The following SMARCA2 variants were observed in gnomAD, a reference collection of about 807,000 sequenced individuals.
SMARCA2 encodes the protein SWI/SNF-related matrix-associated actin-dependent regulator of chromatin subfamily A member 2.
Under a neutral mutation model 199.8 loss-of-function variants are expected in SMARCA2, and 61 were observed. The observed-to-expected ratio is 0.31, with a 90% CI of 0.25 to 0.38. The LOEUF is 0.38. Among genes scored for constraint, SMARCA2 ranks in the 10% least tolerant of loss-of-function variants. The pLI is 1.00. For synonymous variants in SMARCA2, 935 were observed against 732.0 expected (o/e 1.28, Z -4.48); for missense variants, 1,344 against 2,012.2 (o/e 0.67, Z 6.35).
intron 28 of SMARCA2, among the ~76,000 whole-genome samples, chr9:2,168,075 G>A (rs1586781767): frequency 6.8e-6 from 1 of 147,532 alleles, no homozygotes; most frequent in East Asian, 2.0e-4. Context: ...TTGTTGCCCA[G>A]CTGGAGTGCA....
chr9:2,060,295 G>T (rs955826395), intron 8 of SMARCA2, among the ~76,000 whole-genome samples: 20 of 152,052 alleles, frequency 1.3e-4, no homozygotes, highest in Non-Finnish European at 2.9e-5. Context: ...TGAATGAAAG[G>T]ATATTATGTC....
At chr9:2,135,834 C>T (rs1467046455) in intron 27 of SMARCA2, among the ~76,000 whole-genome samples, 1 of 151,686 alleles carries the variant, frequency 6.6e-6, no homozygotes, top group Non-Finnish European at 1.5e-5. Flanking sequence ...TGAGCCACAG[C>T]ACCCAGCAAC....
intron 27 of SMARCA2, among the ~76,000 whole-genome samples, chr9:2,149,038 T>C (rs576034453): frequency 1.3e-5 from 2 of 151,186 alleles, no homozygotes; most frequent in South Asian, 2.1e-4. Flanking sequence ...AGTGTGTTTA[T>C]TAGTAAAACC....
rs1440756775 is a variant in SMARCA2 at position 2,123,501 on chromosome 9, A to C, written c.3763-218A>C. The stretch of plus-strand genomic sequence containing the variant: ...AAAGTACTTTTTAAATGTATGAATA[A>C]GTTTCAAAAGGTGGGTACAGAAAAA... On this transcript the variant is annotated intron_variant, in intron 26 of 33. Coordinates refer to ENST00000349721, the MANE Select transcript of SMARCA2 (RefSeq NM_003070.5). This position sits in a 1 kb window ranked among gnomAD's most constrained non-coding sequence, Gnocchi z 4.1. 6.6e-6 allele frequency among the ~76,000 whole-genome samples: 1 copy of C among 152,216 alleles called. No individual in the cohort carries two copies. Among genetic ancestry groups the C allele is most frequent in the Admixed American group, 6.5e-5 (1 of 15,284 alleles).
At chr9:2,187,111 C>T (rs991286074) in intron 32 of SMARCA2, among the ~76,000 whole-genome samples, 2 of 150,150 alleles carry the variant, frequency 1.3e-5, no homozygotes, top group African/African-American at 4.9e-5. Flanking sequence ...GTGAATTTTG[C>T]ATAGAATTTT....
In SMARCA2 at chr9:2,123,612, G is replaced by C; in HGVS notation, c.3763-107G>C. 1.1e-6 allele frequency: 1 copy of C among 932,732 alleles called. No individual in the cohort carries two copies. The highest frequency in any genetic ancestry group is 1.6e-5 in the African/African-American group (1 of 61,930). The allele number at this position is 932,732 out of a possible 1,614,324, so 57.8% of individuals were successfully genotyped here. Reference sequence around the variant, plus strand: ...CCAACCAGGATGAGAGAGGTTGAAAGGGACCCTGCAGCCATAGGAAGTGAC... The same window carrying C: ...CCAACCAGGATGAGAGAGGTTGAAACGGACCCTGCAGCCATAGGAAGTGAC... On this transcript the variant is annotated intron_variant, in intron 26 of 33. Transcript: ENST00000349721. This position sits in a 1 kb window ranked among gnomAD's most constrained non-coding sequence, Gnocchi z 4.1.
At chr9:2,192,048 G>T (rs529131053) in intron 33 of SMARCA2, 1 of 154,762 alleles carries the variant, frequency 6.5e-6, no homozygotes, top group East Asian at 1.9e-4. Flanking sequence ...TACAGATCAC[G>T]TCGCAGAGGT....
intron 10 of SMARCA2, among the ~76,000 whole-genome samples, chr9:2,071,208 C>G (rs1821072464): frequency 6.6e-6 from 1 of 152,158 alleles, no homozygotes; most frequent in South Asian, 2.1e-4. Context: ...TGGTATCACT[C>G]TGCACACAGT....
intron 19 of SMARCA2, 27 bp downstream of exon 19, chr9:2,088,640 G>GTTT: frequency 7.2e-7 from 1 of 1,396,172 alleles, no homozygotes; most frequent in Non-Finnish European, 9.7e-7. Flanking sequence ...AAAGTTGTGG[G>GTTT]TTTTTTTTTT....
At chr9:2,130,527 C>T (rs1044518342) in intron 27 of SMARCA2, among the ~76,000 whole-genome samples, 3 of 152,214 alleles carry the variant, frequency 2.0e-5, no homozygotes, top group Non-Finnish European at 4.4e-5. Context: ...GAGTAACTCT[C>T]CCGAACAAGG....
chr9:2,169,777 A>G lies in SMARCA2; in HGVS notation c.4200-642A>G, dbSNP rs1826141990. On this transcript the variant is annotated intron_variant, in intron 28 of 33. Coordinates refer to ENST00000349721, the MANE Select transcript of SMARCA2 (RefSeq NM_003070.5). The surrounding 1 kb of genome is among the most constrained non-coding windows in gnomAD (Gnocchi z 6.5). ...CAACCTAGCAGTTTCAAAAATCCTC[A>G]ACTGAAGAGGCTTTTCTAGAGGCTT... Among the ~76,000 whole-genome samples, 4 of 152,154 alleles carry G rather than the reference A, an allele frequency of 2.6e-5. No homozygotes were observed. The highest frequency in any genetic ancestry group is 2.6e-4 in the Admixed American group (4 of 15,276).
chr9:2,073,319 C>T lies in SMARCA2; in HGVS notation c.1854C>T (p.Asp618=), dbSNP rs140464170. The change falls in exon 11 of 34, where the codon GAC becomes GAT. Residue 618 remains aspartate (D), a synonymous_variant. Coordinates refer to ENST00000349721, the MANE Select transcript of SMARCA2 (RefSeq NM_003070.5). ...AAGCACCCAAAGCAAGTCAGCTGGA[C>T]GCCTGGCTGGAAATGAATCCTGGGT... ...GPEAPKASQL[D]AWLEMNPGYE... 9.2e-5 allele frequency: 149 copies of T among 1,614,072 alleles called. No homozygotes were observed. Among genetic ancestry groups the T allele is most frequent in the East Asian group, 4.7e-4 (21 of 44,896 alleles).
At chr9:2,022,870 T>G (rs1440064508) in intron 1 of SMARCA2, among the ~76,000 whole-genome samples, 2 of 152,210 alleles carry the variant, frequency 1.3e-5, no homozygotes, top group East Asian at 3.8e-4. Flanking sequence ...TGTTAGCTTT[T>G]GTTTTGACCA....
At chr9:2,094,254 T>C (rs994727494) in intron 19 of SMARCA2, among the ~76,000 whole-genome samples, 1 of 152,190 alleles carries the variant, frequency 6.6e-6, no homozygotes, top group African/African-American at 2.4e-5. Flanking sequence ...CCTAATTGTG[T>C]GAGGAAAGAG....
In SMARCA2 at chr9:2,186,139, C is replaced by T. The variant is rs1325759994; in HGVS notation, c.4505C>T (p.Ala1502Val). ...SIVLQSVFKS[A>V]RQKIAKEEES... is the part of the protein sequence containing the mutation. Reference sequence around the variant, plus strand: ...GTCTTACAGTCAGTGTTTAAGAGTGCCCGGCAGAAAATTGCCAAAGAGGAA... The same window carrying T: ...GTCTTACAGTCAGTGTTTAAGAGTGTCCGGCAGAAAATTGCCAAAGAGGAA... The change falls in exon 32 of 34, where the codon GCC becomes GTC. Residue 1502 changes from alanine (A) to valine (V), a missense_variant. By Grantham distance (64) the Ala-to-Val change is moderately conservative. This residue lies in a region of SMARCA2 where 155 missense variants were observed against 121.1 expected (regional missense o/e 1.28). Coordinates refer to ENST00000349721, the MANE Select transcript of SMARCA2 (RefSeq NM_003070.5). 6.2e-7 allele frequency: 1 copy of T among 1,613,674 alleles called. No individual in the cohort carries two copies. The highest frequency in any genetic ancestry group is 8.5e-7 in the Non-Finnish European group (1 of 1,179,774).
Position 2,192,939 on chromosome 9 carries a change from T to TTG in SMARCA2, c.*203_*204dup. ...CACATACACAAATATTTGTAACATA[T>TTG]TGTGACCAAATGGGCCTCAAAGATT... On this transcript the variant is annotated 3_prime_UTR_variant, in exon 34 of 34. Transcript: ENST00000349721. 1.9e-6 allele frequency: 1 copy of TTG among 530,964 alleles called. No homozygotes were observed. Among genetic ancestry groups the TTG allele is most frequent in the East Asian group, 3.1e-5 (1 of 32,296 alleles). 32.9% of individuals were successfully genotyped at this position (530,964 alleles called of 1,614,324 possible).
chr9:2,181,728 TAA>T (rs1235955971), intron 30 of SMARCA2, 52 bp downstream of exon 30: 1 of 975,440 alleles, frequency 1.0e-6, no homozygotes, highest in East Asian at 2.4e-5. Flanking sequence ...AGGAGCAGTG[TAA>T]AGTCATTGAA....
chr9:2,154,660 T>C (rs1374477884), intron 27 of SMARCA2, among the ~76,000 whole-genome samples: 1 of 152,222 alleles, frequency 6.6e-6, no homozygotes. Flanking sequence ...CCATTTATTT[T>C]GCTCAGGCCT....
intron 13 of SMARCA2, among the ~76,000 whole-genome samples, chr9:2,077,376 A>C (rs898816243): frequency 1.3e-3 from 200 of 152,284 alleles, no homozygotes; most frequent in African/African-American, 4.6e-3. Flanking sequence ...ATGTGATCCA[A>C]ACAAATGAAG....
Sources: allele counts gnomAD v4.1 joint callset (sites outside exome capture counted in the v4.1 genomes callset), GRCh38; gene constraint gnomAD v4.1.1; regional missense constraint gnomAD v4.1.1; non-coding constraint Gnocchi (gnomAD v3.1); transcripts MANE v1.5; gene names NCBI Gene and HGNC (gene_info 2026-07-23, HGNC 2026-07-21).